The following XIRP2 variants were observed in gnomAD, a reference collection of about 807,000 sequenced individuals.
XIRP2 encodes the protein xin actin-binding repeat-containing protein 2.
A neutral mutation model predicts 277.0 loss-of-function variants in XIRP2; 236 were observed. That is an observed-to-expected ratio of 0.85 (90% CI 0.77 to 0.95). The LOEUF is 0.95. Ranked by LOEUF, XIRP2 falls within the 40% of genes least tolerant of loss-of-function variation. The pLI, the probability that XIRP2 is intolerant of heterozygous loss-of-function variation, is 0.00. For synonymous variants in XIRP2, 1,490 were observed against 1,416.5 expected (o/e 1.05, Z -1.17); for missense variants, 4,640 against 4,157.5 (o/e 1.12, Z -3.19).
chr2:166,894,823 G>A (rs78148432), intron 1 of XIRP2, among the ~76,000 whole-genome samples: 2,169 of 152,240 alleles, frequency 0.014, 60 homozygotes, highest in African/African-American at 0.05. Context: ...ACAAACAAAT[G>A]TGTAATTGTA....
In XIRP2 at chr2:166,927,566, T is replaced by C. The variant is rs147337937; in HGVS notation, c.408+23676T>C. 1.5e-3 allele frequency among the ~76,000 whole-genome samples: 229 copies of C among 152,234 alleles called. 8 individuals are homozygous for C. The East Asian group carries it at 0.04, about 27-fold the overall frequency. On this transcript the variant is annotated intron_variant, in intron 2 of 10. Transcript: ENST00000409195. Reference sequence around the variant, plus strand: ...AGCCAGCAATAATGTGTTGAGTTCTTCTCACATAACATGACTCTGACCCCC... The same window carrying C: ...AGCCAGCAATAATGTGTTGAGTTCTCCTCACATAACATGACTCTGACCCCC...
intron 2 of XIRP2, among the ~76,000 whole-genome samples, chr2:167,132,231 GC>G (rs1691398227): frequency 6.6e-6 from 1 of 152,054 alleles, no homozygotes; most frequent in African/African-American, 2.4e-5. Context: ...TGGAGTAGTG[GC>G]TCTTTACCAG....
intron 2 of XIRP2, among the ~76,000 whole-genome samples, chr2:167,119,543 TG>T (rs1690994305): frequency 6.6e-6 from 1 of 152,124 alleles, no homozygotes; most frequent in African/African-American, 2.4e-5. Flanking sequence ...AGCCTATAAG[TG>T]ATTGTACCAG....
At chr2:167,118,450 C>T (rs1690957320) in intron 2 of XIRP2, among the ~76,000 whole-genome samples, 1 of 149,912 alleles carries the variant, frequency 6.7e-6, no homozygotes, top group Non-Finnish European at 1.5e-5. Flanking sequence ...CCACCGCACT[C>T]CAGCCTGGGC....
At chr2:167,125,353 C>G (rs1691171219) in intron 2 of XIRP2, among the ~76,000 whole-genome samples, 1 of 152,154 alleles carries the variant, frequency 6.6e-6, no homozygotes, top group Admixed American at 6.5e-5. Context: ...TCATGCCATT[C>G]TAGCCTACAT....
chr2:167,248,008 C>G lies in XIRP2; in HGVS notation c.6616C>G (p.Leu2206Val), dbSNP rs1695335025. The G allele has an allele frequency of 6.2e-7, 1 of 1,613,040 alleles. No individual in the cohort carries two copies. Among genetic ancestry groups the G allele is most frequent in the Non-Finnish European group, 8.5e-7 (1 of 1,179,576 alleles). ...GGATATAAAGAAAAAGAATATAAACCTTCAACCAATGTGGCAGCTTTTGCC... is the reference window on the plus strand; with the variant it reads ...GGATATAAAGAAAAAGAATATAAACGTTCAACCAATGTGGCAGCTTTTGCC... Reference protein sequence around the residue: ...NKDIKKKNINLQPMWQLLPVE... With the variant: ...NKDIKKKNINVQPMWQLLPVE... The change falls in exon 9 of 11, where the codon CTT becomes GTT. Residue 2206 changes from leucine to valine, a missense_variant. Transcript: ENST00000409195.
At chr2:166,961,022 A>G (rs1686284279) in intron 2 of XIRP2, among the ~76,000 whole-genome samples, 1 of 151,758 alleles carries the variant, frequency 6.6e-6, no homozygotes, top group Non-Finnish European at 1.5e-5. Flanking sequence ...TAACATGAAT[A>G]TGAAGAGTAT....
intron 2 of XIRP2, among the ~76,000 whole-genome samples, chr2:167,032,248 C>T (rs1421883394): frequency 6.6e-6 from 1 of 152,068 alleles, no homozygotes; most frequent in Non-Finnish European, 1.5e-5. Flanking sequence ...ACTGGCTAGC[C>T]ATATGCAGAA....
chr2:167,215,879 T>G (rs544997416), intron 4 of XIRP2, among the ~76,000 whole-genome samples: 1 of 152,230 alleles, frequency 6.6e-6, no homozygotes, highest in Admixed American at 6.5e-5. Context: ...GGGGCATAGG[T>G]CTCACAGGAC....
In XIRP2 at chr2:167,149,206, G is replaced by A. The variant is rs918954064; in HGVS notation, c.562+13144G>A. 3.3e-5 allele frequency among the ~76,000 whole-genome samples: 5 copies of A among 152,248 alleles called. No individual in the cohort carries two copies. In the East Asian group the frequency reaches 9.7e-4, roughly 29 times the overall value. On this transcript the variant is annotated intron_variant, in intron 3 of 10. Coordinates refer to ENST00000409195, the MANE Select transcript of XIRP2 (RefSeq NM_152381.6). ...GTTTGAGACCCAAATTCACATATTTGTGAGATCCTGAAAGCTTCAAACCTG... is the reference window on the plus strand; with the variant it reads ...GTTTGAGACCCAAATTCACATATTTATGAGATCCTGAAAGCTTCAAACCTG...
At chr2:167,024,172 C>T (rs1203964669) in intron 2 of XIRP2, among the ~76,000 whole-genome samples, 14 of 152,050 alleles carry the variant, frequency 9.2e-5, no homozygotes, top group Non-Finnish European at 4.4e-5. Flanking sequence ...CCCTCACGTC[C>T]CTTTTAAGTT....
At chr2:167,236,504 G>C (rs190117321) in intron 5 of XIRP2, among the ~76,000 whole-genome samples, 86 of 152,116 alleles carry the variant, frequency 5.7e-4, no homozygotes, top group African/African-American at 1.9e-3. Flanking sequence ...CCATAATATT[G>C]TCTTGCTGTT....
At chr2:167,011,162 G>T (rs12615590) in intron 2 of XIRP2, among the ~76,000 whole-genome samples, 3 of 149,874 alleles carry the variant, frequency 2.0e-5, no homozygotes, top group Non-Finnish European at 3.0e-5. Context: ...TTTTCAAAGG[G>T]AATGCTTCCA....
rs554271917 is a variant in XIRP2, at chr2:167,156,846, G to T, written c.562+20784G>T. 2.6e-5 allele frequency among the ~76,000 whole-genome samples: 4 copies of T among 152,156 alleles called. No homozygotes were observed. The East Asian group carries it at 5.8e-4, about 22-fold the overall frequency. On this transcript the variant is annotated intron_variant, in intron 3 of 10. Coordinates refer to ENST00000409195, the MANE Select transcript of XIRP2 (RefSeq NM_152381.6). Reference sequence around the variant, plus strand: ...ATGATAATTGAAGCAAAATATGAATGGCTTTTTAGTCAGTTAAAAGAATGG... The same window carrying T: ...ATGATAATTGAAGCAAAATATGAATTGCTTTTTAGTCAGTTAAAAGAATGG...
At chr2:167,013,334 G>A (rs74977707) in intron 2 of XIRP2, among the ~76,000 whole-genome samples, 5,464 of 151,070 alleles carry the variant, frequency 0.036, 120 homozygotes, top group East Asian at 0.079. Flanking sequence ...AGAGCACATA[G>A]GAAAAAAACA....
chr2:166,995,323 C>G (rs1238208535), intron 2 of XIRP2, among the ~76,000 whole-genome samples: 1 of 152,146 alleles, frequency 6.6e-6, no homozygotes, highest in Admixed American at 6.5e-5. Flanking sequence ...ATCTTTAAGG[C>G]AAAAACGTTA....
chr2:166,929,157 T>C (rs1391509335), intron 2 of XIRP2, among the ~76,000 whole-genome samples: 1 of 151,082 alleles, frequency 6.6e-6, no homozygotes, highest in Non-Finnish European at 1.5e-5. Flanking sequence ...TGGGGAAGGG[T>C]GAGCAATCTG....
chr2:166,934,506 A>G (rs1313459740), intron 2 of XIRP2, among the ~76,000 whole-genome samples: 1 of 152,228 alleles, frequency 6.6e-6, no homozygotes, highest in East Asian at 1.9e-4. Flanking sequence ...AGCAGAGAAC[A>G]TGGTTAAGCT....
chr2:167,217,894 C>A lies in XIRP2; in HGVS notation c.724-272C>A, dbSNP rs957242301. 3.3e-5 allele frequency among the ~76,000 whole-genome samples: 5 copies of A among 152,016 alleles called. No homozygotes were observed. In the East Asian group the frequency reaches 9.6e-4, roughly 29 times the overall value. On this transcript the variant is annotated intron_variant, in intron 4 of 10. Transcript: ENST00000409195. ...CGTGCAATCTAATAGGTCTTATCTG[C>A]AGACATCAAAATTTATCTGAGATTA...
Sources: gnomAD v4.1 joint callset for allele counts (sites outside exome capture counted in the v4.1 genomes callset) on GRCh38, gnomAD v4.1.1 for gene constraint, MANE v1.5 for transcripts, NCBI Gene and HGNC (gene_info 2026-07-23, HGNC 2026-07-21) for gene names.